CFAP206: variants seen among roughly 807,000 people sequenced by gnomAD.
CFAP206 encodes cilia and flagella associated protein 206.
CFAP206 carries 53 observed loss-of-function variants against 65.4 expected under a neutral mutation model. The ratio of observed to expected loss-of-function variants is 0.81; its 90% CI spans 0.65 to 1.02. The LOEUF is 1.02. Ranked by LOEUF, CFAP206 falls within the 50% of genes least tolerant of loss-of-function variation. The pLI is 0.00. For synonymous variants in CFAP206, 250 were observed against 254.4 expected (o/e 0.98, Z 0.17); for missense variants, 663 against 753.2 (o/e 0.88, Z 1.40).
intron 3 of CFAP206, among the ~76,000 whole-genome samples, 183 bp from the exon 4 acceptor site, chr6:87,413,626 AG>A (rs1767773762): frequency 6.6e-6 from 1 of 152,214 alleles, no homozygotes. Context: ...AAATAAAAAA[AG>A]TTATTGGTTA....
chr6:87,408,100 T>G lies in CFAP206; in HGVS notation c.-6+11T>G, dbSNP rs575672749. On this transcript the variant is annotated intron_variant, in intron 1 of 12. Coordinates refer to ENST00000369562, the MANE Select transcript of CFAP206 (RefSeq NM_001031743.3). ...TCGATTCCGATCCAGGTCAGCCTACTCGGGGCTCCGCGCCCTTGACCCGGA... is the reference window on the plus strand; with the variant it reads ...TCGATTCCGATCCAGGTCAGCCTACGCGGGGCTCCGCGCCCTTGACCCGGA... 5.3e-4 allele frequency: 525 copies of G among 984,582 alleles called. 1 individual carries two copies. The African/African-American group carries it at 8.7e-3, about 16-fold the overall frequency. The allele number at this position is 984,582 out of a possible 1,614,324, so 61.0% of individuals were successfully genotyped here.
At chr6:87,428,119 C>T (rs757266034) in intron 8 of CFAP206, among the ~76,000 whole-genome samples, 2 of 151,612 alleles carry the variant, frequency 1.3e-5, no homozygotes, top group Non-Finnish European at 2.9e-5. Context: ...TCCCGGGTAG[C>T]TGGGATTGTA....
Position 87,463,594 on chromosome 6 carries a change from CTT to C in CFAP206, c.1639-423_1639-422del, listed in dbSNP as rs1174365580. On this transcript the variant is annotated intron_variant, in intron 12 of 12. Coordinates refer to ENST00000369562, the MANE Select transcript of CFAP206 (RefSeq NM_001031743.3). ...AATACAAAATGGAAAGCATCAGACT[CTT>C]TTATGTTAAAAATCTAGGGTGAAGT... Among the ~76,000 whole-genome samples the C allele has an allele frequency of 2.0e-5, 3 of 152,190 alleles. No homozygotes were observed. In the East Asian group the frequency reaches 5.8e-4, roughly 29 times the overall value.
intron 11 of CFAP206, 62 bp downstream of exon 11, chr6:87,435,115 G>A: frequency 7.9e-7 from 1 of 1,267,876 alleles, no homozygotes; most frequent in East Asian, 2.4e-5. Flanking sequence ...TTTAAAAGTT[G>A]TATTTTGTTG....
At chr6:87,435,141 G>A in intron 11 of CFAP206, 88 bp downstream of exon 11, 2 of 959,344 alleles carry the variant, frequency 2.1e-6, no homozygotes, top group South Asian at 3.5e-5. Context: ...TGCTTCCCAG[G>A]TCCACACAGA....
At chr6:87,427,341 G>A (rs1054017658) in intron 8 of CFAP206, among the ~76,000 whole-genome samples, 2 of 152,052 alleles carry the variant, frequency 1.3e-5, no homozygotes, top group African/African-American at 4.8e-5. Flanking sequence ...GGATTTCACT[G>A]TGTTAGCCAG....
intron 11 of CFAP206, among the ~76,000 whole-genome samples, chr6:87,458,205 C>T (rs991171754): frequency 6.6e-6 from 1 of 152,012 alleles, no homozygotes; most frequent in South Asian, 2.1e-4. Flanking sequence ...AAAGGGAACC[C>T]TAGTACACTG....
intron 11 of CFAP206, among the ~76,000 whole-genome samples, chr6:87,451,460 T>G (rs1768541649): frequency 6.6e-6 from 1 of 152,036 alleles, no homozygotes; most frequent in South Asian, 2.1e-4. Flanking sequence ...GGACCCAGTT[T>G]TGGCAGAATT....
chr6:87,424,047 C>T (rs190193420), intron 7 of CFAP206, among the ~76,000 whole-genome samples: 13 of 152,182 alleles, frequency 8.5e-5, no homozygotes, highest in African/African-American at 3.1e-4. Flanking sequence ...CTGATAAACC[C>T]ACACCACAAC....
chr6:87,443,194 T>C (rs1465843707), intron 11 of CFAP206, among the ~76,000 whole-genome samples: 2 of 152,146 alleles, frequency 1.3e-5, no homozygotes, highest in African/African-American at 4.8e-5. Flanking sequence ...TCAGATTCAA[T>C]AAGTTGCATT....
chr6:87,428,410 T>C (rs1768091434), intron 8 of CFAP206, among the ~76,000 whole-genome samples: 1 of 152,102 alleles, frequency 6.6e-6, no homozygotes, highest in Admixed American at 6.6e-5. Flanking sequence ...ATAATAATCG[T>C]ACTAAAATAA....
At chr6:87,414,422 C>A (rs1767789754) in intron 4 of CFAP206, among the ~76,000 whole-genome samples, 1 of 152,146 alleles carries the variant, frequency 6.6e-6, no homozygotes, top group African/African-American at 2.4e-5. Flanking sequence ...CTCAGCCACC[C>A]GAGTAGCTGG....
chr6:87,419,939 T>C (rs1767910074), intron 7 of CFAP206, among the ~76,000 whole-genome samples: 1 of 152,162 alleles, frequency 6.6e-6, no homozygotes, highest in Admixed American at 6.6e-5. Context: ...TAGCCAAGCA[T>C]GGTGGTACTA....
At position 87,448,261 on chromosome 6, in the gene CFAP206, C is replaced by T. The variant is rs1156456762; in HGVS notation, c.1495-12761C>T. Among the ~76,000 whole-genome samples, 3 of 152,150 alleles carry T rather than the reference C, an allele frequency of 2.0e-5. No homozygotes were observed. The East Asian group carries it at 5.8e-4, about 29-fold the overall frequency. ...GCCTCAAACTCCTGCTTCAAGCAAT[C>T]CTCCTGCCTTGGCCTCCCAATTAGC... On this transcript the variant is annotated intron_variant, in intron 11 of 12. Coordinates refer to ENST00000369562, the MANE Select transcript of CFAP206 (RefSeq NM_001031743.3).
chr6:87,439,721 T>G (rs1390254846), intron 11 of CFAP206, among the ~76,000 whole-genome samples: 1 of 152,068 alleles, frequency 6.6e-6, no homozygotes. Flanking sequence ...TTGTTTGTGG[T>G]GGGAGGTAAA....
intron 11 of CFAP206, among the ~76,000 whole-genome samples, chr6:87,437,750 G>T (rs1329054374): frequency 6.6e-6 from 1 of 151,550 alleles, no homozygotes; most frequent in Non-Finnish European, 1.5e-5. Context: ...TGACCTCCTG[G>T]GTTGAAGCAA....
intron 11 of CFAP206, chr6:87,441,348 A>G (rs1436126741): frequency 6.4e-6 from 1 of 155,682 alleles, no homozygotes; most frequent in Non-Finnish European, 1.4e-5. Context: ...TGCATGAAAG[A>G]CTTCCACAAC....
In CFAP206 at chr6:87,410,609, A is replaced by G. The variant is rs1266563676; in HGVS notation, c.133A>G (p.Ser45Gly). 1 of 1,614,036 alleles carries G rather than the reference A, an allele frequency of 6.2e-7. No homozygotes were observed. Among genetic ancestry groups the G allele is most frequent in the South Asian group, 1.1e-5 (1 of 91,076 alleles). Residue 45 changes from serine (S) to glycine (G), a missense_variant, in exon 3 of 13, where the codon AGT becomes GGT. Transcript: ENST00000369562. ...FMVKAVVLDP[S>G]NGFNMDRTLM... ...GGTGAAAGCTGTTGTCCTGGATCCA[A>G]GTAATGGCTTTAACATGGATAGAAC...
intron 11 of CFAP206, among the ~76,000 whole-genome samples, 187 bp from the exon 12 acceptor site, chr6:87,460,835 C>T (rs972841697): frequency 6.6e-6 from 1 of 151,906 alleles, no homozygotes; most frequent in African/African-American, 2.4e-5. Context: ...GCCATAATTC[C>T]CAGAAAAACA....
Sources: allele counts gnomAD v4.1 joint callset (sites outside exome capture counted in the v4.1 genomes callset), GRCh38; gene constraint gnomAD v4.1.1; transcripts MANE v1.5; gene names NCBI Gene and HGNC (gene_info 2026-07-23, HGNC 2026-07-21).